The following PCNX2 variants were observed in gnomAD, a reference collection of about 807,000 sequenced individuals.
The protein encoded by PCNX2 is pecanex 2, also known as pecanex-like protein 2.
Under a neutral mutation model 223.8 loss-of-function variants are expected in PCNX2, and 168 were observed. That is an observed-to-expected ratio of 0.75 (90% CI 0.66 to 0.85). PCNX2 has a LOEUF of 0.85. Among genes scored for constraint, PCNX2 ranks in the 40% least tolerant of loss-of-function variants. PCNX2 has a pLI of 0.00. For synonymous variants in PCNX2, 1,006 were observed against 1,052.6 expected (o/e 0.96, Z 0.86); for missense variants, 2,507 against 2,675.5 (o/e 0.94, Z 1.39).
At chr1:233,030,836 T>C (rs777240134) in intron 25 of PCNX2, among the ~76,000 whole-genome samples, 3 of 152,248 alleles carry the variant, frequency 2.0e-5, no homozygotes, top group Non-Finnish European at 4.4e-5. Context: ...AGGCTATGCC[T>C]ATGCAAGAGC....
chr1:232,997,835 G>A (rs1393877243), intron 32 of PCNX2, among the ~76,000 whole-genome samples: 1 of 152,214 alleles, frequency 6.6e-6, no homozygotes, highest in East Asian at 1.9e-4. Flanking sequence ...TCAGTGAGAA[G>A]CAGGAGAGGG....
intron 26 of PCNX2, among the ~76,000 whole-genome samples, chr1:233,024,832 T>C (rs1042525996): frequency 1.3e-5 from 2 of 152,214 alleles, no homozygotes; most frequent in African/African-American, 4.8e-5. Context: ...GAAATATTTA[T>C]AGGGTATTTA....
At chr1:233,199,996 G>T (rs1451974231) in intron 14 of PCNX2, among the ~76,000 whole-genome samples, 158 bp downstream of exon 14, 1 of 152,082 alleles carries the variant, frequency 6.6e-6, no homozygotes, top group Non-Finnish European at 1.5e-5. Context: ...AGGAAATCTG[G>T]ACAGGCCCAT....
At chr1:233,275,588 C>G (rs1660863438) in intron 1 of PCNX2, among the ~76,000 whole-genome samples, 2 of 152,138 alleles carry the variant, frequency 1.3e-5, no homozygotes, top group Non-Finnish European at 2.9e-5. Flanking sequence ...AAAGTATTTA[C>G]ACAAAACAGT....
intron 1 of PCNX2, chr1:233,291,817 C>G (rs1661782745): frequency 2.0e-6 from 2 of 984,370 alleles, no homozygotes; most frequent in Non-Finnish European, 1.2e-6. Context: ...TCAAGACTAA[C>G]CATCTTTCAG....
the PCNX2 span, among the ~76,000 whole-genome samples, chr1:233,311,769 G>T: frequency 2.6e-5 from 4 of 152,258 alleles, no homozygotes; most frequent in African/African-American, 9.6e-5. Flanking sequence ...AGGGAAGACA[G>T]ATGGAATGTA....
intron 23 of PCNX2, among the ~76,000 whole-genome samples, chr1:233,080,114 T>C (rs913943442): frequency 1.3e-5 from 2 of 152,160 alleles, no homozygotes; most frequent in African/African-American, 2.4e-5. Context: ...GTCCCATATG[T>C]CCCCAGCCAG....
intron 21 of PCNX2, among the ~76,000 whole-genome samples, chr1:233,102,900 T>C (rs758815111): frequency 7.9e-5 from 12 of 152,152 alleles, no homozygotes; most frequent in African/African-American, 1.2e-4. Flanking sequence ...TTGGCCTCGG[T>C]TGTCTGTGCT....
At chr1:233,204,924 C>T (rs192216707) in intron 13 of PCNX2, among the ~76,000 whole-genome samples, 1 of 152,214 alleles carries the variant, frequency 6.6e-6, no homozygotes, top group East Asian at 1.9e-4. Flanking sequence ...TCTCCAATCC[C>T]TAATGAAATT....
intron 21 of PCNX2, among the ~76,000 whole-genome samples, chr1:233,096,805 A>T (rs1166784258): frequency 6.6e-6 from 1 of 152,244 alleles, no homozygotes; most frequent in Non-Finnish European, 1.5e-5. Flanking sequence ...GGTCACAATG[A>T]AAACAGGGCA....
In PCNX2 at chr1:233,063,247, A is replaced by G. The variant is rs566834869; in HGVS notation, c.4077-5957T>C. Among the ~76,000 whole-genome samples the G allele has an allele frequency of 9.8e-5, 15 of 152,294 alleles. No homozygotes were observed. In the South Asian group the frequency reaches 2.9e-3, roughly 29 times the overall value. On this transcript the variant is annotated intron_variant, in intron 23 of 33. Coordinates refer to ENST00000258229, the MANE Select transcript of PCNX2 (RefSeq NM_014801.4). ...CAAGACTCTGTCTTCAACAACAACA[A>G]CAACGAAGAAGAATAGCCCTGTAAT...
chr1:233,246,233 G>A (rs1323169953), intron 8 of PCNX2, among the ~76,000 whole-genome samples: 1 of 151,536 alleles, frequency 6.6e-6, no homozygotes, highest in East Asian at 1.9e-4. Flanking sequence ...CTTCAGATGG[G>A]ATAAATGCCC....
intron 19 of PCNX2, among the ~76,000 whole-genome samples, chr1:233,153,139 A>G (rs534933843): frequency 1.3e-5 from 2 of 152,344 alleles, no homozygotes; most frequent in South Asian, 2.1e-4. Flanking sequence ...AGACAATGGA[A>G]TAACGCTTAC....
intron 19 of PCNX2, among the ~76,000 whole-genome samples, chr1:233,156,427 G>T (rs1678128245): frequency 6.6e-6 from 1 of 152,192 alleles, no homozygotes; most frequent in African/African-American, 2.4e-5. Context: ...ACGCAGTTCA[G>T]CATTTGTGAG....
intron 10 of PCNX2, among the ~76,000 whole-genome samples, chr1:233,222,164 G>T (rs934114850): frequency 1.3e-5 from 2 of 152,190 alleles, no homozygotes; most frequent in East Asian, 3.9e-4. Flanking sequence ...CAGTACAAAG[G>T]TCTTAAGCTG....
At chr1:233,027,622 G>A (rs1029110545) in intron 25 of PCNX2, among the ~76,000 whole-genome samples, 1 of 152,014 alleles carries the variant, frequency 6.6e-6, no homozygotes, top group Non-Finnish European at 1.5e-5. Flanking sequence ...TTTCTAGTAC[G>A]AGGTGAAAAC....
chr1:233,242,646 A>T (rs1658844338), intron 8 of PCNX2, among the ~76,000 whole-genome samples: 1 of 152,252 alleles, frequency 6.6e-6, no homozygotes, highest in South Asian at 2.1e-4. Flanking sequence ...AACAAAAAAG[A>T]GAAACTATCA....
chr1:233,255,353 A>G (rs1659676652), intron 5 of PCNX2, among the ~76,000 whole-genome samples: 1 of 152,062 alleles, frequency 6.6e-6, no homozygotes, highest in Admixed American at 6.6e-5. Flanking sequence ...ATAACCTCCA[A>G]TCAGGGCACA....
At position 233,089,643 on chromosome 1, in the gene PCNX2, G is replaced by A. The variant is rs552615625; in HGVS notation, c.4076+418C>T. Among the ~76,000 whole-genome samples, 3 of 152,268 alleles carry A rather than the reference G, an allele frequency of 2.0e-5. No homozygotes were observed. In the South Asian group the frequency reaches 6.2e-4, roughly 32 times the overall value. On this transcript the variant is annotated intron_variant, in intron 23 of 33. Coordinates refer to ENST00000258229, the MANE Select transcript of PCNX2 (RefSeq NM_014801.4). ...GTCTCTTTTCCATAGAGCTGTGATG[G>A]CTACCCACTTGTACAGGACTGTATA... is the stretch of plus-strand genomic sequence containing the variant.
Sources: gnomAD v4.1 joint callset for allele counts (sites outside exome capture counted in the v4.1 genomes callset) on GRCh38, gnomAD v4.1.1 for gene constraint, MANE v1.5 for transcripts, NCBI Gene and HGNC (gene_info 2026-07-23, HGNC 2026-07-21) for gene names.